The following PALLD variants were observed in gnomAD, a reference collection of about 807,000 sequenced individuals.
PALLD encodes palladin, cytoskeletal associated protein.
In PALLD, 61 loss-of-function variants were observed where a neutral mutation model predicts 123.5. The ratio of observed to expected loss-of-function variants is 0.49; its 90% CI spans 0.40 to 0.61. PALLD has a LOEUF of 0.61. Ranked by LOEUF, PALLD falls within the 20% of genes least tolerant of loss-of-function variation. The probability of loss-of-function intolerance (pLI) is 0.00; values close to 1 mark genes in which losing one functional copy is unlikely to be tolerated. For synonymous variants in PALLD, 465 were observed against 496.4 expected, an observed-to-expected ratio of 0.94 and a Z score of 0.84; for missense variants, 1,273 against 1,377.0, an observed-to-expected ratio of 0.92 and a Z score of 1.20.
At chr4:168,830,508 C>T (rs1168535051) in intron 10 of PALLD, among the ~76,000 whole-genome samples, 4 of 148,148 alleles carry the variant, frequency 2.7e-5, no homozygotes, top group African/African-American at 1.0e-4. Context: ...TCAGCCTGGG[C>T]AACAGAGTGA....
At chr4:168,876,197 C>T (rs1285867518) in intron 10 of PALLD, among the ~76,000 whole-genome samples, 1 of 152,184 alleles carries the variant, frequency 6.6e-6, no homozygotes, top group Non-Finnish European at 1.5e-5. Flanking sequence ...GGAGATGAAG[C>T]ATTTGGGGAC....
At chr4:168,654,588 C>T (rs1400225720) in intron 2 of PALLD, 2 of 152,178 alleles carry the variant, frequency 1.3e-5, no homozygotes, top group African/African-American at 4.8e-5. Context: ...GAAATGTCAG[C>T]CTTAGGCAAT....
At chr4:168,549,629 C>T (rs1365181774) in intron 2 of PALLD, among the ~76,000 whole-genome samples, 2 of 151,932 alleles carry the variant, frequency 1.3e-5, no homozygotes, top group African/African-American at 4.8e-5. Flanking sequence ...TTAAAGTATC[C>T]TATTTAGAGG....
intron 3 of PALLD, 30 bp from the exon 4 acceptor site, chr4:168,681,302 A>T (rs1781525302): frequency 2.2e-6 from 3 of 1,339,388 alleles, no homozygotes; most frequent in Non-Finnish European, 3.2e-6. Flanking sequence ...TGATATCTTA[A>T]CTTTACCATT....
chr4:168,721,587 A>G (rs1394901714), intron 10 of PALLD, among the ~76,000 whole-genome samples: 2 of 152,158 alleles, frequency 1.3e-5, no homozygotes, highest in Non-Finnish European at 2.9e-5. Context: ...ACTATTCCTG[A>G]TTTTCCAACT....
At chr4:168,774,358 G>C (rs927905016) in intron 10 of PALLD, among the ~76,000 whole-genome samples, 6 of 151,916 alleles carry the variant, frequency 3.9e-5, no homozygotes, top group Non-Finnish European at 8.8e-5. Flanking sequence ...ATATAAGAAA[G>C]AGCACATATT....
chr4:168,609,288 C>G (rs931521634), intron 2 of PALLD, among the ~76,000 whole-genome samples: 1 of 142,894 alleles, frequency 7.0e-6, no homozygotes, highest in Non-Finnish European at 1.5e-5. Flanking sequence ...AAGCACTGAT[C>G]CCAGGAGACA....
At chr4:168,539,857 T>C (rs564146486) in intron 2 of PALLD, among the ~76,000 whole-genome samples, 2 of 152,234 alleles carry the variant, frequency 1.3e-5, no homozygotes, top group South Asian at 4.2e-4. Flanking sequence ...TGCAGGTTTG[T>C]TACATGGGTA....
intron 2 of PALLD, among the ~76,000 whole-genome samples, chr4:168,571,245 A>G (rs1023629896): frequency 3.3e-5 from 5 of 152,186 alleles, no homozygotes; most frequent in Admixed American, 2.0e-4. Flanking sequence ...CACATGCTCT[A>G]AAACTTACCA....
intron 2 of PALLD, among the ~76,000 whole-genome samples, chr4:168,580,377 C>T (rs541674355): frequency 3.9e-5 from 6 of 151,934 alleles, no homozygotes; most frequent in Admixed American, 2.0e-4. Context: ...GAAAAAAATG[C>T]TCAATATCAC....
chr4:168,768,137 C>T (rs1733928324), intron 10 of PALLD, among the ~76,000 whole-genome samples: 1 of 152,222 alleles, frequency 6.6e-6, no homozygotes, highest in Non-Finnish European at 1.5e-5. Flanking sequence ...CCACTGGAAT[C>T]CCCGGTTCTT....
chr4:168,534,770 T>C (rs1764937161), intron 2 of PALLD, among the ~76,000 whole-genome samples: 1 of 152,204 alleles, frequency 6.6e-6, no homozygotes, highest in Non-Finnish European at 1.5e-5. Flanking sequence ...GGGGCACCAA[T>C]TCTGTCTTAT....
intron 2 of PALLD, among the ~76,000 whole-genome samples, chr4:168,569,234 C>T (rs1049709486): frequency 1.3e-5 from 2 of 152,124 alleles, no homozygotes; most frequent in African/African-American, 4.8e-5. Context: ...CAGCCACTCC[C>T]CTCTACATAG....
chr4:168,836,154 T>C (rs977075601), intron 10 of PALLD, among the ~76,000 whole-genome samples: 1 of 152,182 alleles, frequency 6.6e-6, no homozygotes, highest in Non-Finnish European at 1.5e-5. Flanking sequence ...GGATAATGAC[T>C]ACGAGGAAAC....
intron 10 of PALLD, among the ~76,000 whole-genome samples, chr4:168,807,710 C>T (rs1057380599): frequency 1.3e-5 from 2 of 149,752 alleles, no homozygotes; most frequent in Non-Finnish European, 3.0e-5. Flanking sequence ...AGCCTGGCCT[C>T]GTTTTTTCCT....
chr4:168,856,686 G>A (rs1043905531), intron 10 of PALLD, among the ~76,000 whole-genome samples: 2 of 152,110 alleles, frequency 1.3e-5, no homozygotes, highest in Non-Finnish European at 2.9e-5. Flanking sequence ...GAAGAAGCAG[G>A]TTCAGAAAAA....
chr4:168,620,775 AATT>A (rs1461553715), intron 2 of PALLD, among the ~76,000 whole-genome samples: 4 of 152,156 alleles, frequency 2.6e-5, no homozygotes, highest in Non-Finnish European at 5.9e-5. Context: ...ACCCTCACCA[AATT>A]TCTGGCTAAA....
At chr4:168,662,359 A>G (rs959435593) in intron 2 of PALLD, among the ~76,000 whole-genome samples, 4 of 152,226 alleles carry the variant, frequency 2.6e-5, no homozygotes, top group African/African-American at 9.6e-5. Flanking sequence ...GATCTGGAGG[A>G]AAGTGAGAAT....
chr4:168,504,599 A>C lies in PALLD; in HGVS notation c.-82-6824A>C, dbSNP rs1002595178. Among the ~76,000 whole-genome samples, 8 of 151,890 alleles carry C rather than the reference A, an allele frequency of 5.3e-5. 1 individual carries two copies. Among genetic ancestry groups the C allele is most frequent in the Admixed American group, 5.2e-4 (8 of 15,248 alleles). Reference sequence around the variant, plus strand: ...ACAAAGCAAGACTCCAACTCAAAAAAAAAAAAAAAATGGCTGTGGCTAATG... The same window carrying C: ...ACAAAGCAAGACTCCAACTCAAAAACAAAAAAAAAATGGCTGTGGCTAATG... On this transcript the variant is annotated intron_variant, in intron 1 of 21. Transcript: ENST00000505667.
Sources: gnomAD v4.1 joint callset for allele counts (sites outside exome capture counted in the v4.1 genomes callset) on GRCh38, gnomAD v4.1.1 for gene constraint, MANE v1.5 for transcripts, NCBI Gene and HGNC (gene_info 2026-07-23, HGNC 2026-07-21) for gene names.